The following EIF2AK3 variants were observed in gnomAD, a reference collection of about 807,000 sequenced individuals.
The protein encoded by EIF2AK3 is eukaryotic translation initiation factor 2-alpha kinase 3.
EIF2AK3 carries 50 observed loss-of-function variants against 113.5 expected under a neutral mutation model. The ratio of observed to expected loss-of-function variants is 0.44; its 90% CI spans 0.35 to 0.56. The LOEUF (loss-of-function observed/expected upper bound fraction) is 0.56. Among genes scored for constraint, EIF2AK3 ranks in the 20% least tolerant of loss-of-function variants. EIF2AK3 has a pLI of 0.00. For synonymous variants in EIF2AK3, 448 were observed against 495.4 expected (o/e 0.90, Z 1.27); for missense variants, 1,185 against 1,378.0 (o/e 0.86, Z 2.22).
intron 1 of EIF2AK3, among the ~76,000 whole-genome samples, chr2:88,622,594 C>T (rs1317946935): frequency 6.6e-6 from 1 of 152,202 alleles, no homozygotes; most frequent in East Asian, 1.9e-4. Flanking sequence ...AAGGATAGTT[C>T]ATTACTTGCC....
At chr2:88,596,406 T>C (rs111746999) in intron 2 of EIF2AK3, among the ~76,000 whole-genome samples, 7 of 152,294 alleles carry the variant, frequency 4.6e-5, no homozygotes, top group African/African-American at 1.7e-4. Context: ...GGTTAAACTC[T>C]GGTGTCACGA....
At chr2:88,596,313 T>C (rs1358039598) in intron 2 of EIF2AK3, among the ~76,000 whole-genome samples, 1 of 152,164 alleles carries the variant, frequency 6.6e-6, no homozygotes, top group African/African-American at 2.4e-5. Flanking sequence ...ACAATGCTTA[T>C]TAAGGGCTTA....
intron 3 of EIF2AK3, among the ~76,000 whole-genome samples, chr2:88,594,929 C>T (rs1439055386): frequency 4.0e-5 from 6 of 151,200 alleles, no homozygotes; most frequent in African/African-American, 1.5e-4. Flanking sequence ...CATGGTGGCT[C>T]CTGCTTATAA....
At chr2:88,593,012 C>T (rs1049934620) in intron 4 of EIF2AK3, among the ~76,000 whole-genome samples, 3 of 152,004 alleles carry the variant, frequency 2.0e-5, no homozygotes, top group South Asian at 2.1e-4. Flanking sequence ...TGTGGTGGCA[C>T]GTGCCTGTAA....
At chr2:88,605,496 G>C (rs1675248544) in intron 2 of EIF2AK3, among the ~76,000 whole-genome samples, 1 of 152,240 alleles carries the variant, frequency 6.6e-6, no homozygotes, top group Non-Finnish European at 1.5e-5. Context: ...ATTCAGTGTA[G>C]AATATATCAA....
At chr2:88,617,789 A>G (rs1379581469) in intron 1 of EIF2AK3, among the ~76,000 whole-genome samples, 1 of 151,930 alleles carries the variant, frequency 6.6e-6, no homozygotes, top group African/African-American at 2.4e-5. Context: ...ATTGGGTACT[A>G]TGCTCACTAC....
chr2:88,574,324 C>T (rs1233856235), intron 13 of EIF2AK3, among the ~76,000 whole-genome samples: 1 of 152,168 alleles, frequency 6.6e-6, no homozygotes, highest in Non-Finnish European at 1.5e-5. Flanking sequence ...CAAAAACAAA[C>T]AAACAAACAA....
At chr2:88,573,118 T>C (rs1230513765) in intron 13 of EIF2AK3, among the ~76,000 whole-genome samples, 2 of 152,138 alleles carry the variant, frequency 1.3e-5, no homozygotes, top group East Asian at 1.9e-4. Context: ...GGCTTTTTTT[T>C]TTTTTTTGGT....
At position 88,572,106 on chromosome 2, in the gene EIF2AK3, A is replaced by G. The variant is rs187611432; in HGVS notation, c.2818-1065T>C. ...TTCCCAAACTCTAAAATACCATTAA[A>G]CGATTTTGACTTGGAAGCATGAAGT... On this transcript the variant is annotated intron_variant, in intron 13 of 16. Transcript: ENST00000303236. 5.9e-5 allele frequency among the ~76,000 whole-genome samples: 9 copies of G among 152,310 alleles called. No homozygotes were observed. The East Asian group carries it at 1.5e-3, about 26-fold the overall frequency.
chr2:88,556,916 A>C lies in EIF2AK3; in HGVS notation c.*820T>G, dbSNP rs1378267161. 2 of 152,218 alleles carry C rather than the reference A, an allele frequency of 1.3e-5. No individual in the cohort carries two copies. Among genetic ancestry groups the C allele is most frequent in the African/African-American group, 2.4e-5 (1 of 41,460 alleles). The allele number at this position is 152,218 out of a possible 1,614,324, so 9.4% of individuals were successfully genotyped here. A position where few individuals can be genotyped will look rare whatever the true frequency, so the allele number is the denominator to read the frequency against. ...AAACATGTTAGCAAGTGAGATGATTAAACTGTTACCTATAATCAGTTTGGG... is the reference window on the plus strand; with the variant it reads ...AAACATGTTAGCAAGTGAGATGATTCAACTGTTACCTATAATCAGTTTGGG... On this transcript the variant is annotated 3_prime_UTR_variant, in exon 17 of 17. Transcript: ENST00000303236.
Position 88,590,536 on chromosome 2 carries a change from C to A in EIF2AK3, c.1072G>T (p.Asp358Tyr). Residue 358 changes from aspartate (D) to tyrosine (Y), a missense_variant, in exon 6 of 17, where the codon GAT becomes TAT. This residue lies in a region of EIF2AK3 where 877 missense variants were observed against 1,024.2 expected (regional missense o/e 0.86). Coordinates refer to ENST00000303236, the MANE Select transcript of EIF2AK3 (RefSeq NM_004836.7). ...GKVIPISLFD[D>Y]TSYTSNDDVL... ...TCATCATTAGATGTATAACTTGTAT[C>A]ATCAAAAAGACTGATGGGAATGACT... 1 of 1,613,634 alleles carries A rather than the reference C, an allele frequency of 6.2e-7. No homozygotes were observed. Among genetic ancestry groups the A allele is most frequent in the East Asian group, 2.2e-5 (1 of 44,824 alleles).
At chr2:88,573,835 C>A (rs944556807) in intron 13 of EIF2AK3, among the ~76,000 whole-genome samples, 5 of 152,054 alleles carry the variant, frequency 3.3e-5, no homozygotes, top group African/African-American at 1.2e-4. Flanking sequence ...TAAAATGGAT[C>A]CACATCTATC....
chr2:88,626,917 C>T (rs1448773864), intron 1 of EIF2AK3, 50 bp downstream of exon 1: 1 of 1,599,212 alleles, frequency 6.3e-7, no homozygotes. Flanking sequence ...GCATCCTCCG[C>T]GGCTCGCGCG....
At chr2:88,580,535 G>A (rs1202050297) in intron 10 of EIF2AK3, among the ~76,000 whole-genome samples, 2 of 151,902 alleles carry the variant, frequency 1.3e-5, no homozygotes, top group African/African-American at 4.8e-5. Flanking sequence ...TTCTCCCACC[G>A]CCACTGTATT....
chr2:88,600,081 C>A (rs915452585), intron 2 of EIF2AK3, among the ~76,000 whole-genome samples: 1 of 152,202 alleles, frequency 6.6e-6, no homozygotes, highest in South Asian at 2.1e-4. Flanking sequence ...AATAATGAAT[C>A]ATCATGTCAT....
intron 2 of EIF2AK3, among the ~76,000 whole-genome samples, chr2:88,611,705 G>A (rs531249771): frequency 3.9e-5 from 6 of 151,982 alleles, no homozygotes; most frequent in African/African-American, 7.3e-5. Flanking sequence ...ATCTTGGCTC[G>A]CTGCAACCTC....
intron 2 of EIF2AK3, among the ~76,000 whole-genome samples, chr2:88,606,306 A>AT (rs1226936248): frequency 2.7e-5 from 4 of 150,378 alleles, no homozygotes; most frequent in African/African-American, 1.0e-4. Flanking sequence ...TTCCTAAAAA[A>AT]ATAAAATAAA....
intron 14 of EIF2AK3, among the ~76,000 whole-genome samples, chr2:88,564,990 C>A (rs1010222679): frequency 1.6e-4 from 24 of 151,882 alleles, no homozygotes; most frequent in African/African-American, 5.8e-4. Flanking sequence ...AGTATTATTT[C>A]CAGCCTCTTA....
At chr2:88,627,549 T>C, upstream of EIF2AK3, 1 of 368,130 alleles carries the variant, frequency 2.7e-6, no homozygotes, top group South Asian at 9.6e-5. Context: ...GTTCCCAGGC[T>C]GGCCTTGTTG....
Sources: allele counts gnomAD v4.1 joint callset (sites outside exome capture counted in the v4.1 genomes callset), GRCh38; gene constraint gnomAD v4.1.1; regional missense constraint gnomAD v4.1.1; transcripts MANE v1.5; gene names NCBI Gene and HGNC (gene_info 2026-07-23, HGNC 2026-07-21).